NR5A2: variants seen among roughly 807,000 people sequenced by gnomAD.
NR5A2 encodes the protein CYP7A promoter-binding factor.
A neutral mutation model predicts 62.7 loss-of-function variants in NR5A2; 26 were observed. The observed-to-expected ratio is 0.41, with a 90% CI of 0.30 to 0.58. The LOEUF (loss-of-function observed/expected upper bound fraction) is 0.58. Among genes scored for constraint, NR5A2 ranks in the 20% least tolerant of loss-of-function variants. NR5A2 has a pLI of 0.22. For synonymous variants in NR5A2, 246 were observed against 241.7 expected (o/e 1.02, Z -0.16); for missense variants, 541 against 669.1 (o/e 0.81, Z 2.11).
At chr1:200,083,364 G>A (rs543201272) in intron 5 of NR5A2, among the ~76,000 whole-genome samples, 2 of 152,158 alleles carry the variant, frequency 1.3e-5, no homozygotes, top group African/African-American at 4.8e-5. Flanking sequence ...TGCTGTCCAA[G>A]TAATTTTCAA....
At chr1:200,134,582 C>G (rs1667132958) in intron 7 of NR5A2, among the ~76,000 whole-genome samples, 1 of 152,136 alleles carries the variant, frequency 6.6e-6, no homozygotes, top group Admixed American at 6.5e-5. Context: ...AACGAAATCA[C>G]CTATCAGTGC....
At chr1:200,041,911 T>C (rs1182853794) in intron 2 of NR5A2, among the ~76,000 whole-genome samples, 1 of 128,650 alleles carries the variant, frequency 7.8e-6, no homozygotes, top group East Asian at 2.0e-4. Context: ...AGTTAGAGTT[T>C]ACTTTGTTGG....
At chr1:200,074,736 CAAA>C (rs199556915) in intron 5 of NR5A2, among the ~76,000 whole-genome samples, 3 of 67,558 alleles carry the variant, frequency 4.4e-5, no homozygotes, top group South Asian at 7.0e-4. Context: ...GAGTCCATCT[CAAA>C]AAAAAAAAAA....
At chr1:200,045,658 T>C (rs752339146) in intron 4 of NR5A2, 74 bp downstream of exon 4, 14 of 1,251,648 alleles carry the variant, frequency 1.1e-5, no homozygotes, top group Non-Finnish European at 7.7e-6. Context: ...ATTGTACTTA[T>C]AGCATGGTAA....
chr1:200,045,938 T>G (rs1250677601), intron 4 of NR5A2, among the ~76,000 whole-genome samples: 1 of 152,124 alleles, frequency 6.6e-6, no homozygotes, highest in Non-Finnish European at 1.5e-5. Flanking sequence ...CTATTAAAAG[T>G]AAAATATTCT....
intron 2 of NR5A2, among the ~76,000 whole-genome samples, chr1:200,041,562 C>A (rs1662084197): frequency 6.6e-6 from 1 of 152,184 alleles, no homozygotes; most frequent in Admixed American, 6.5e-5. Context: ...GCGCGCCCAA[C>A]TTTGAGGGAA....
chr1:200,113,667 T>C (rs1468904982), intron 6 of NR5A2, among the ~76,000 whole-genome samples: 1 of 152,200 alleles, frequency 6.6e-6, no homozygotes, highest in East Asian at 1.9e-4. Context: ...AACTATTGTA[T>C]CTCTCCTGGT....
At chr1:200,164,754 G>T (rs1044207249) in intron 7 of NR5A2, among the ~76,000 whole-genome samples, 1 of 150,434 alleles carries the variant, frequency 6.6e-6, no homozygotes, top group Non-Finnish European at 1.5e-5. Context: ...CTACATGTTG[G>T]CCAGGCTGGT....
Position 200,039,809 on chromosome 1 carries a change from G to T in NR5A2, c.202+14G>T. On this transcript the variant is annotated intron_variant, in intron 2 of 7. Transcript: ENST00000367362. This position sits in a 1 kb window ranked among gnomAD's most constrained non-coding sequence, Gnocchi z 5.1. Reference sequence around the variant, plus strand: ...AAAACATGCAAGGTAAGGAGGCGCCGCGCGGCGCTCCGGCTCCCGCTGCTT... The same window carrying T: ...AAAACATGCAAGGTAAGGAGGCGCCTCGCGGCGCTCCGGCTCCCGCTGCTT... 1 of 1,590,318 alleles carries T rather than the reference G, an allele frequency of 6.3e-7. No homozygotes were observed. Among genetic ancestry groups the T allele is most frequent in the Non-Finnish European group, 8.5e-7 (1 of 1,170,560 alleles).
chr1:200,028,722 TCTG>T (rs1157814169), intron 1 of NR5A2, among the ~76,000 whole-genome samples: 4,453 of 152,314 alleles, frequency 0.029, 213 homozygotes, highest in African/African-American at 0.097. Context: ...CTGTGCCTTT[TCTG>T]GCAGCATTTG....
chr1:200,045,767 T>A (rs1206059302), intron 4 of NR5A2, among the ~76,000 whole-genome samples, 183 bp downstream of exon 4: 3 of 152,136 alleles, frequency 2.0e-5, no homozygotes, highest in Admixed American at 1.3e-4. Flanking sequence ...CATGGTGAAA[T>A]CTACTAGGAA....
intron 5 of NR5A2, among the ~76,000 whole-genome samples, chr1:200,052,799 G>A (rs1011058059): frequency 2.6e-5 from 4 of 151,928 alleles, no homozygotes; most frequent in African/African-American, 4.8e-5. Flanking sequence ...CTGCCACCAC[G>A]CCGGCTAATT....
intron 5 of NR5A2, among the ~76,000 whole-genome samples, chr1:200,074,611 C>A (rs752606165): frequency 2.0e-5 from 3 of 151,024 alleles, no homozygotes; most frequent in Non-Finnish European, 4.4e-5. Context: ...GTGGCGGGTG[C>A]CTGTAGTCCC....
intron 1 of NR5A2, among the ~76,000 whole-genome samples, chr1:200,038,097 T>A (rs1444898276): frequency 6.6e-6 from 1 of 152,254 alleles, no homozygotes; most frequent in Non-Finnish European, 1.5e-5. Context: ...AAGAATGTTT[T>A]TCATCTTGTT....
Position 200,072,436 on chromosome 1 carries a change from A to G in NR5A2, c.1110+23618A>G, listed in dbSNP as rs1253274698. On this transcript the variant is annotated intron_variant, in intron 5 of 7. Transcript: ENST00000367362. ...GATTTGAGAATGCATGATTTACCTC[A>G]TAATGTGACACCCTTTTAATCAAAA... Among the ~76,000 whole-genome samples the G allele has an allele frequency of 2.0e-5, 3 of 152,194 alleles. No individual in the cohort carries two copies. In the East Asian group the frequency reaches 5.8e-4, roughly 29 times the overall value.
In NR5A2 at chr1:200,048,465, G is replaced by A. The variant is rs776342501; in HGVS notation, c.757G>A (p.Gly253Ser). The A allele has an allele frequency of 1.7e-5, 28 of 1,614,104 alleles. No homozygotes were observed. In the East Asian group the frequency reaches 2.0e-4, roughly 12 times the overall value. ...CATTAGCATGACAATGCCCCCTCAC[G>A]GCAGCCTGCAAGGTTACCAAACATA... ...SPISMTMPPH[G>S]SLQGYQTYGH... is the part of the protein sequence containing the mutation. Residue 253 changes from glycine (G) to serine (S), a missense_variant, in exon 5 of 8, where the codon GGC becomes AGC. Around this residue, in one of 3 missense-constraint regions of NR5A2, gnomAD observed 379 missense variants for 442.0 expected, o/e 0.86. Transcript: ENST00000367362. The surrounding 1 kb of genome is among the most constrained non-coding windows in gnomAD (Gnocchi z 4.8).
intron 7 of NR5A2, among the ~76,000 whole-genome samples, chr1:200,161,470 A>T (rs1420333953): frequency 6.6e-6 from 1 of 152,216 alleles, no homozygotes; most frequent in Non-Finnish European, 1.5e-5. Context: ...TGCAAATTGC[A>T]AATGTGTATA....
At position 200,043,763 on chromosome 1, in the gene NR5A2, T is replaced by C; in HGVS notation, c.203-11T>C. ...ATTGAATATGTGTATACATTTCTCT[T>C]TTTGTTTCAGTGTCTCAATTTAAAA... On this transcript the variant is annotated splice_polypyrimidine_tract_variant and intron_variant, in intron 2 of 7. Transcript: ENST00000367362. The C allele has an allele frequency of 1.3e-6, 2 of 1,554,236 alleles. No homozygotes were observed. Among genetic ancestry groups the C allele is most frequent in the African/African-American group, 1.4e-5 (1 of 73,908 alleles).
At chr1:200,107,873 C>T (rs910723060) in intron 5 of NR5A2, among the ~76,000 whole-genome samples, 5 of 151,934 alleles carry the variant, frequency 3.3e-5, no homozygotes, top group African/African-American at 4.8e-5. Context: ...TCAAGGGATC[C>T]GCCAGCCTCG....
Sources: allele counts gnomAD v4.1 joint callset (sites outside exome capture counted in the v4.1 genomes callset), GRCh38; gene constraint gnomAD v4.1.1; regional missense constraint gnomAD v4.1.1; non-coding constraint Gnocchi (gnomAD v3.1); transcripts MANE v1.5; gene names NCBI Gene and HGNC (gene_info 2026-07-23, HGNC 2026-07-21).